The following B3GALT1 variants were observed in gnomAD, a reference collection of about 807,000 sequenced individuals.
B3GALT1 encodes the protein beta-1,3-galactosyltransferase 1.
Under a neutral mutation model 23.2 loss-of-function variants are expected in B3GALT1, and 10 were observed. The ratio of observed to expected loss-of-function variants is 0.43; its 90% CI spans 0.27 to 0.73. B3GALT1 has a LOEUF of 0.73. B3GALT1 is among the 30% of genes least tolerant of loss of function. B3GALT1 has a pLI of 0.21. For missense variants in B3GALT1, 299 were observed against 405.4 expected, an observed-to-expected ratio of 0.74 and a Z score of 2.25; for synonymous variants, 156 against 141.5, an observed-to-expected ratio of 1.10 and a Z score of -0.73.
intron 1 of B3GALT1, among the ~76,000 whole-genome samples, chr2:167,342,841 G>A (rs781327115): frequency 5.9e-5 from 9 of 152,064 alleles, no homozygotes; most frequent in Non-Finnish European, 1.2e-4. Context: ...TTATCACAGT[G>A]TGTTACATCT....
intron 1 of B3GALT1, among the ~76,000 whole-genome samples, chr2:167,392,999 C>A (rs1698039108): frequency 6.6e-6 from 1 of 152,004 alleles, no homozygotes; most frequent in Admixed American, 6.6e-5. Context: ...CTTTGGGAGG[C>A]CGAGGCGGGT....
At chr2:167,557,933 T>C (rs767879479) in intron 2 of B3GALT1, among the ~76,000 whole-genome samples, 1 of 152,180 alleles carries the variant, frequency 6.6e-6, no homozygotes, top group South Asian at 2.1e-4. Flanking sequence ...ACATTGCCCA[T>C]TCAAGGAAAA....
At chr2:167,809,599 G>T (rs1386145322) in intron 3 of B3GALT1, among the ~76,000 whole-genome samples, 2 of 152,192 alleles carry the variant, frequency 1.3e-5, no homozygotes, top group African/African-American at 2.4e-5. Flanking sequence ...CAGAACAGTG[G>T]ATATTGGTGA....
chr2:167,851,624 T>C (rs760935347), intron 4 of B3GALT1, among the ~76,000 whole-genome samples: 12 of 152,244 alleles, frequency 7.9e-5, no homozygotes, highest in African/African-American at 2.2e-4. Context: ...AATAAGGCTA[T>C]TGGAATACAC....
At chr2:167,558,915 C>T (rs1390664238) in intron 2 of B3GALT1, among the ~76,000 whole-genome samples, 1 of 152,198 alleles carries the variant, frequency 6.6e-6, no homozygotes, top group Non-Finnish European at 1.5e-5. Context: ...GTAACCTCTG[C>T]AGACTTAAAT....
chr2:167,570,257 G>A (rs1684265823), intron 2 of B3GALT1, among the ~76,000 whole-genome samples: 1 of 151,834 alleles, frequency 6.6e-6, no homozygotes, highest in Admixed American at 6.6e-5. Context: ...TTCCTTAAAT[G>A]TTTGGTAGAA....
chr2:167,513,824 C>A (rs1008432806), intron 2 of B3GALT1, among the ~76,000 whole-genome samples: 1 of 152,020 alleles, frequency 6.6e-6, no homozygotes, highest in African/African-American at 2.4e-5. Flanking sequence ...GTACACTCTT[C>A]AGTTTTATTT....
intron 2 of B3GALT1, among the ~76,000 whole-genome samples, chr2:167,593,569 A>AT (rs1012406506): frequency 6.6e-6 from 1 of 152,204 alleles, no homozygotes; most frequent in African/African-American, 2.4e-5. Context: ...ATATACTTCA[A>AT]TTTTTTAAAG....
At chr2:167,663,680 G>T (rs1324515313) in intron 3 of B3GALT1, among the ~76,000 whole-genome samples, 1 of 150,946 alleles carries the variant, frequency 6.6e-6, no homozygotes, top group African/African-American at 2.4e-5. Context: ...GTATCTCATT[G>T]TGGTTTTGAT....
intron 2 of B3GALT1, among the ~76,000 whole-genome samples, chr2:167,495,899 A>G (rs1475043005): frequency 1.3e-5 from 2 of 152,224 alleles, no homozygotes; most frequent in African/African-American, 4.8e-5. Context: ...TGTTTATTAA[A>G]AGGAATTATG....
chr2:167,790,491 C>T (rs1416162541), intron 3 of B3GALT1, among the ~76,000 whole-genome samples: 1 of 152,184 alleles, frequency 6.6e-6, no homozygotes, highest in African/African-American at 2.4e-5. Context: ...CCGTCTCTAC[C>T]ATCATCCCCA....
intron 4 of B3GALT1, among the ~76,000 whole-genome samples, chr2:167,827,205 C>G (rs1386741083): frequency 2.6e-5 from 4 of 152,196 alleles, no homozygotes; most frequent in Non-Finnish European, 5.9e-5. Flanking sequence ...CAAAACAGCC[C>G]TTCAAGTCAG....
chr2:167,458,259 C>T (rs1381379675), intron 1 of B3GALT1, among the ~76,000 whole-genome samples: 3 of 152,168 alleles, frequency 2.0e-5, no homozygotes. Flanking sequence ...ATGTTCTCAA[C>T]TTTCATCTGT....
At chr2:167,659,114 C>T (rs867766403) in intron 3 of B3GALT1, among the ~76,000 whole-genome samples, 1 of 151,906 alleles carries the variant, frequency 6.6e-6, no homozygotes. Flanking sequence ...AACTTGACTG[C>T]AATTTGGAAA....
chr2:167,333,511 A>G (rs1355170599), intron 1 of B3GALT1, among the ~76,000 whole-genome samples: 3 of 152,246 alleles, frequency 2.0e-5, no homozygotes, highest in Non-Finnish European at 4.4e-5. Flanking sequence ...TCGTTGAATC[A>G]TGATTCTAAG....
chr2:167,301,580 T>C (rs1005721128), intron 1 of B3GALT1, among the ~76,000 whole-genome samples: 3 of 152,212 alleles, frequency 2.0e-5, no homozygotes, highest in Non-Finnish European at 4.4e-5. Flanking sequence ...AGATGGAGTC[T>C]TGTTCTGTCA....
intron 4 of B3GALT1, among the ~76,000 whole-genome samples, chr2:167,825,279 G>A (rs373554429): frequency 1.1e-4 from 12 of 105,044 alleles, no homozygotes; most frequent in African/African-American, 3.4e-4. Flanking sequence ...GCAAGACTCC[G>A]TCTCAAAAAA....
chr2:167,530,742 C>T (rs1049345527), intron 2 of B3GALT1, among the ~76,000 whole-genome samples: 2 of 152,170 alleles, frequency 1.3e-5, no homozygotes, highest in Non-Finnish European at 2.9e-5. Context: ...TTCAGCCATT[C>T]ACAACCTTGA....
Position 167,534,619 on chromosome 2 carries a change from A to T in B3GALT1, c.-410+44342A>T, listed in dbSNP as rs192390679. 9.2e-3 allele frequency among the ~76,000 whole-genome samples: 1,395 copies of T among 152,302 alleles called. 6 individuals carry two copies. The highest frequency in any genetic ancestry group is 0.016 in the Non-Finnish European group (1,082 of 68,014). The stretch of plus-strand genomic sequence containing the variant: ...ATCACAAGGAATGCATCAAAAAGAG[A>T]TCCCAAGATAGTAGTTGAGCTGAGT... On this transcript the variant is annotated intron_variant, in intron 2 of 4. Transcript: ENST00000392690.
Sources: gnomAD v4.1 joint callset for allele counts (sites outside exome capture counted in the v4.1 genomes callset) on GRCh38, gnomAD v4.1.1 for gene constraint, MANE v1.5 for transcripts, NCBI Gene and HGNC (gene_info 2026-07-23, HGNC 2026-07-21) for gene names.